WWP2: variants seen among roughly 807,000 people sequenced by gnomAD.
The protein encoded by WWP2 is NEDD4-like E3 ubiquitin-protein ligase WWP2.
WWP2 carries 57 observed loss-of-function variants against 121.0 expected under a neutral mutation model. The ratio of observed to expected loss-of-function variants is 0.47; its 90% CI spans 0.38 to 0.59. The LOEUF is 0.59. Among genes scored for constraint, WWP2 ranks in the 20% least tolerant of loss-of-function variants. The pLI is 0.00. For synonymous variants in WWP2, 449 were observed against 441.3 expected, an observed-to-expected ratio of 1.02 and a Z score of -0.22; for missense variants, 962 against 1,158.9, an observed-to-expected ratio of 0.83 and a Z score of 2.47.
rs988660072 is a variant in WWP2, at chr16:69,797,591, T to C, written c.71-1091T>C. On this transcript the variant is annotated intron_variant, in intron 2 of 23. Transcript: ENST00000359154. ...TAAATATTATCTTTATTTATTTCAG[T>C]TAAAATTTATAAATTGGCCAGGTGC... Among the ~76,000 whole-genome samples the C allele has an allele frequency of 1.1e-4, 17 of 152,230 alleles. 2 individuals are homozygous for C. Among genetic ancestry groups the C allele is most frequent in the East Asian group, 3.9e-4 (2 of 5,168 alleles).
At chr16:69,931,364 T>G in intron 14 of WWP2, 137 bp downstream of exon 14, 1 of 1,460,590 alleles carries the variant, frequency 6.8e-7, no homozygotes, top group Admixed American at 1.9e-5. Flanking sequence ...CGGAGCTGGC[T>G]GTCTCTAGGA....
intron 6 of WWP2, among the ~76,000 whole-genome samples, chr16:69,859,988 G>T (rs994783750): frequency 2.0e-5 from 3 of 151,886 alleles, no homozygotes; most frequent in Middle Eastern, 3.4e-3. Context: ...GGCATTGGAG[G>T]GGGGCTAGAG....
At chr16:69,819,825 C>T (rs558946188) in intron 4 of WWP2, among the ~76,000 whole-genome samples, 1 of 152,278 alleles carries the variant, frequency 6.6e-6, no homozygotes, top group South Asian at 2.1e-4. Flanking sequence ...ATTTTTCAAT[C>T]GCCCCAGTGA....
rs558959375 is a variant in WWP2 at position 69,893,154 on chromosome 16, A to G, written c.914+4905A>G. 1.1e-3 allele frequency among the ~76,000 whole-genome samples: 169 copies of G among 152,272 alleles called. 2 individuals are homozygous for G. The highest frequency in any genetic ancestry group is 3.4e-3 in the Middle Eastern group (1 of 294). On this transcript the variant is annotated intron_variant, in intron 8 of 23. Transcript: ENST00000359154. ...AATTCCTATACATCTTCAAGTGTCA[A>G]CTTAATCAGTAAATCCTCTGGGACT...
At chr16:69,869,797 G>T (rs556263592) in intron 6 of WWP2, among the ~76,000 whole-genome samples, 1 of 152,230 alleles carries the variant, frequency 6.6e-6, no homozygotes, top group Admixed American at 6.5e-5. Flanking sequence ...GTCAAATTCT[G>T]TTTCTTACTT....
At position 69,823,712 on chromosome 16, in the gene WWP2, C is replaced by T. The variant is rs536740179; in HGVS notation, c.341-16414C>T. Among the ~76,000 whole-genome samples, 6 of 152,330 alleles carry T rather than the reference C, an allele frequency of 3.9e-5. No individual in the cohort carries two copies. In the East Asian group the frequency reaches 9.6e-4, roughly 24 times the overall value. On this transcript the variant is annotated intron_variant, in intron 4 of 23. Coordinates refer to ENST00000359154, the MANE Select transcript of WWP2 (RefSeq NM_001270454.2). ...CGAACTCCTGACCTCAAGTGATCTG[C>T]CTGCCCCAGCCTCCCAAAGTGCTGG...
intron 2 of WWP2, among the ~76,000 whole-genome samples, chr16:69,790,531 C>T (rs2055887038): frequency 6.6e-6 from 1 of 151,970 alleles, no homozygotes; most frequent in Non-Finnish European, 1.5e-5. Flanking sequence ...CCTTGTAGTT[C>T]AAACCTCTCT....
intron 21 of WWP2, among the ~76,000 whole-genome samples, chr16:69,938,093 G>C (rs557138164): frequency 7.9e-5 from 12 of 152,320 alleles, no homozygotes; most frequent in African/African-American, 2.9e-4. Flanking sequence ...AGCGATTACA[G>C]GTATTCTTAG....
intron 6 of WWP2, among the ~76,000 whole-genome samples, chr16:69,851,983 T>TAAAAC (rs58923591): frequency 0.15 from 22,143 of 150,330 alleles, 2,770 homozygotes; most frequent in African/African-American, 0.34. Flanking sequence ...AGATTCCAGC[T>TAAAAC]AAAACAAAAC....
intron 4 of WWP2, among the ~76,000 whole-genome samples, chr16:69,837,865 T>G (rs1334125938): frequency 6.6e-6 from 1 of 152,116 alleles, no homozygotes; most frequent in Non-Finnish European, 1.5e-5. Context: ...CCTTGGAAGA[T>G]TCTGTGGTCA....
intron 11 of WWP2, among the ~76,000 whole-genome samples, chr16:69,927,834 A>G (rs2058660722): frequency 6.6e-6 from 1 of 151,770 alleles, no homozygotes; most frequent in Non-Finnish European, 1.5e-5. Flanking sequence ...TTTATTTTTT[A>G]TTTACAAAAT....
intron 4 of WWP2, among the ~76,000 whole-genome samples, chr16:69,823,819 A>C (rs955220605): frequency 6.6e-6 from 1 of 152,170 alleles, no homozygotes; most frequent in Non-Finnish European, 1.5e-5. Context: ...TTTTCTGCGA[A>C]ATCAGGTTAC....
At chr16:69,932,046 C>G (rs2058723319) in intron 16 of WWP2, among the ~76,000 whole-genome samples, 156 bp downstream of exon 16, 1 of 152,234 alleles carries the variant, frequency 6.6e-6, no homozygotes, top group Admixed American at 6.5e-5. Context: ...AATACGTGAA[C>G]CCGCCAGGCG....
chr16:69,793,644 G>T (rs2055961010), intron 2 of WWP2, among the ~76,000 whole-genome samples: 1 of 151,806 alleles, frequency 6.6e-6, no homozygotes, highest in Non-Finnish European at 1.5e-5. Flanking sequence ...CAAGTCACGG[G>T]CCCAGGCAAA....
chr16:69,786,040 C>G (rs2055782087), intron 1 of WWP2: 1 of 151,192 alleles, frequency 6.6e-6, no homozygotes, highest in Non-Finnish European at 1.5e-5. Flanking sequence ...TGGCCAGAGA[C>G]CCTCCTTGAG....
At chr16:69,929,978 C>G in intron 12 of WWP2, 152 bp from the exon 13 acceptor site, 4 of 1,201,324 alleles carry the variant, frequency 3.3e-6, no homozygotes, top group Non-Finnish European at 4.6e-6. Context: ...CAGAACTGTT[C>G]TCACGACTTG....
At chr16:69,876,481 C>G (rs2057738749) in intron 7 of WWP2, among the ~76,000 whole-genome samples, 1 of 151,902 alleles carries the variant, frequency 6.6e-6, no homozygotes, top group African/African-American at 2.4e-5. Context: ...TCTTGTGCCT[C>G]AGCCTCCAAA....
chr16:69,917,551 C>A, intron 9 of WWP2, 158 bp from the exon 10 acceptor site: 1 of 733,472 alleles, frequency 1.4e-6, no homozygotes. Context: ...GGATTGGGTG[C>A]TGCAGAGGCA....
chr16:69,795,581 G>A (rs545739645), intron 2 of WWP2, among the ~76,000 whole-genome samples: 27 of 150,458 alleles, frequency 1.8e-4, no homozygotes, highest in African/African-American at 6.6e-4. Flanking sequence ...ATAACAATTG[G>A]TGAAGAGTAT....
Sources: gnomAD v4.1 joint callset for allele counts (sites outside exome capture counted in the v4.1 genomes callset) on GRCh38, gnomAD v4.1.1 for gene constraint, MANE v1.5 for transcripts, NCBI Gene and HGNC (gene_info 2026-07-23, HGNC 2026-07-21) for gene names.